The following EXOC4 variants were observed in gnomAD, a reference collection of about 807,000 sequenced individuals.
EXOC4 encodes SEC8-like 1.
EXOC4 carries 71 observed loss-of-function variants against 107.2 expected under a neutral mutation model. The observed-to-expected ratio is 0.66, with a 90% confidence interval of 0.55 to 0.81. EXOC4 has a LOEUF of 0.81. EXOC4 is among the 30% of genes least tolerant of loss of function. The pLI is 0.00. For missense variants in EXOC4, 1,108 were observed against 1,189.6 expected, an observed-to-expected ratio of 0.93 and a Z score of 1.01; for synonymous variants, 456 against 441.2, an observed-to-expected ratio of 1.03 and a Z score of -0.42.
chr7:133,400,072 C>T (rs1274651074), intron 7 of EXOC4, among the ~76,000 whole-genome samples: 1 of 152,192 alleles, frequency 6.6e-6, no homozygotes, highest in Non-Finnish European at 1.5e-5. Flanking sequence ...ATGCTCAAGA[C>T]ACTTGGATCT....
chr7:133,411,391 C>T (rs1187057132), intron 7 of EXOC4, among the ~76,000 whole-genome samples: 5 of 152,080 alleles, frequency 3.3e-5, no homozygotes, highest in African/African-American at 1.2e-4. Flanking sequence ...CTCATTGAAT[C>T]ATTTTACTAT....
At chr7:133,920,496 C>T (rs1014735599) in intron 13 of EXOC4, among the ~76,000 whole-genome samples, 3 of 152,076 alleles carry the variant, frequency 2.0e-5, no homozygotes, top group South Asian at 2.1e-4. Flanking sequence ...TTGCATTCAT[C>T]GTATACATTT....
At chr7:133,699,424 A>G (rs777380271) in intron 10 of EXOC4, among the ~76,000 whole-genome samples, 11 of 152,174 alleles carry the variant, frequency 7.2e-5, no homozygotes. Context: ...TATGCCTGCT[A>G]TGATGGATCA....
rs148842600 is a variant in EXOC4 at position 133,275,028 on chromosome 7, G to C, written c.133G>C (p.Gly45Arg). The change falls in exon 2 of 18, where the codon GGT becomes CGT. Residue 45 changes from glycine (G) to arginine (R), a missense_variant. Coordinates refer to ENST00000253861, the MANE Select transcript of EXOC4 (RefSeq NM_021807.4). ...TGTCGAAGACAGGGAAAATGAAAAG[G>C]GTCGCCTTGAAGAAGCCTACGAGAA... ...DDVEDRENEK[G>R]RLEEAYEKCD... 1.9e-5 allele frequency: 31 copies of C among 1,613,462 alleles called. No individual in the cohort carries two copies. Among genetic ancestry groups the C allele is most frequent in the East Asian group, 6.7e-5 (3 of 44,882 alleles).
In EXOC4 at chr7:133,787,657, C is replaced by T. The variant is rs75500647; in HGVS notation, c.1515-29668C>T. On this transcript the variant is annotated intron_variant, in intron 10 of 17. Transcript: ENST00000253861. ...GCTCTTGGTGGCTTACAGACGGCCT[C>T]CTCCTTGCTGTGTCTTCACATAGGG... is the stretch of plus-strand genomic sequence containing the variant. Among the ~76,000 whole-genome samples, 1,369 of 151,600 alleles carry T rather than the reference C, an allele frequency of 9.0e-3. 23 individuals carry two copies. Among genetic ancestry groups the T allele is most frequent in the African/African-American group, 0.031 (1,263 of 41,364 alleles).
intron 7 of EXOC4, among the ~76,000 whole-genome samples, chr7:133,399,974 C>T (rs890411793): frequency 1.3e-5 from 2 of 152,196 alleles, no homozygotes; most frequent in African/African-American, 2.4e-5. Flanking sequence ...TGAATGCTAG[C>T]TAAGGACTCA....
chr7:133,468,964 G>C (rs1205454715), intron 7 of EXOC4, among the ~76,000 whole-genome samples: 1 of 152,080 alleles, frequency 6.6e-6, no homozygotes, highest in African/African-American at 2.4e-5. Context: ...TTAAAATATT[G>C]CCCAAGAGAA....
chr7:133,684,333 G>C (rs933704976), intron 10 of EXOC4, among the ~76,000 whole-genome samples: 5 of 152,000 alleles, frequency 3.3e-5, no homozygotes, highest in African/African-American at 1.2e-4. Context: ...CAAAATTGAT[G>C]GTTTAAATAT....
intron 3 of EXOC4, among the ~76,000 whole-genome samples, chr7:133,296,396 G>T (rs1220559421): frequency 1.3e-5 from 2 of 152,106 alleles, no homozygotes; most frequent in African/African-American, 2.4e-5. Flanking sequence ...TTAAATAGGG[G>T]TGGTCAGCTG....
intron 7 of EXOC4, among the ~76,000 whole-genome samples, chr7:133,400,825 T>G (rs1394943175): frequency 1.3e-5 from 2 of 152,138 alleles, no homozygotes; most frequent in Non-Finnish European, 2.9e-5. Context: ...AATGTAGAGA[T>G]AGGTGGAACA....
the EXOC4 span, among the ~76,000 whole-genome samples, chr7:134,080,027 A>C: frequency 6.6e-6 from 1 of 152,210 alleles, no homozygotes; most frequent in African/African-American, 2.4e-5. Context: ...CCATGCTACC[A>C]GCCCATAGCT....
At chr7:133,322,867 C>A (rs55865736) in intron 5 of EXOC4, among the ~76,000 whole-genome samples, 16,551 of 151,502 alleles carry the variant, frequency 0.11, 942 homozygotes, top group South Asian at 0.17. Context: ...AATGTTTTTC[C>A]GTTTGTGTCC....
Position 133,379,656 on chromosome 7 carries a change from A to AC in EXOC4, c.1182+4663dup, listed in dbSNP as rs552288600. Among the ~76,000 whole-genome samples, 1,187 of 126,100 alleles carry AC rather than the reference A, an allele frequency of 9.4e-3. 16 individuals carry two copies. The highest frequency in any genetic ancestry group is 0.025 in the African/African-American group (842 of 33,696). 82.7% of individuals were successfully genotyped at this position (126,100 alleles called of 152,430 possible). ...AATACTTTGTGAATAAGTTTTTATG[A>AC]CCCCCCCCCATCTTTGGCTTTTACT... On this transcript the variant is annotated intron_variant, in intron 7 of 17. Transcript: ENST00000253861.
chr7:133,389,480 G>T (rs1796801859), intron 7 of EXOC4, among the ~76,000 whole-genome samples: 1 of 151,008 alleles, frequency 6.6e-6, no homozygotes, highest in Admixed American at 6.6e-5. Context: ...GGCTGAGGCA[G>T]GAGAATCGCT....
At chr7:133,894,645 A>G (rs1268651220) in intron 11 of EXOC4, among the ~76,000 whole-genome samples, 1 of 85,088 alleles carries the variant, frequency 1.2e-5, no homozygotes, top group Non-Finnish European at 2.1e-5. Flanking sequence ...TTTCCTTCTA[A>G]CAGACAGGAC....
chr7:134,018,042 A>G (rs940699758), intron 17 of EXOC4, among the ~76,000 whole-genome samples: 9 of 152,194 alleles, frequency 5.9e-5, no homozygotes, highest in Non-Finnish European at 1.3e-4. Context: ...TGACTTGTCC[A>G]GAATCTGTCA....
intron 9 of EXOC4, among the ~76,000 whole-genome samples, chr7:133,519,388 G>A (rs549490145): frequency 4.6e-5 from 7 of 152,024 alleles, no homozygotes; most frequent in Admixed American, 1.3e-4. Context: ...ATGCCAGTGC[G>A]CTCCAGCCCG....
chr7:133,635,038 G>C (rs147608656), intron 10 of EXOC4, among the ~76,000 whole-genome samples: 3 of 152,212 alleles, frequency 2.0e-5, no homozygotes, highest in African/African-American at 7.2e-5. Flanking sequence ...TGATTTTGGG[G>C]AACAGAAGGA....
intron 14 of EXOC4, among the ~76,000 whole-genome samples, chr7:133,982,112 G>A (rs1467788063): frequency 6.6e-6 from 1 of 152,174 alleles, no homozygotes; most frequent in Admixed American, 6.5e-5. Flanking sequence ...ACGGTGAGAG[G>A]AGGGAGAGGA....
Sources: gnomAD v4.1 joint callset for allele counts (sites outside exome capture counted in the v4.1 genomes callset) on GRCh38, gnomAD v4.1.1 for gene constraint, MANE v1.5 for transcripts, NCBI Gene and HGNC (gene_info 2026-07-23, HGNC 2026-07-21) for gene names.